RASAL2: variants seen among roughly 807,000 people sequenced by gnomAD.
The protein encoded by RASAL2 is ras GTPase-activating protein nGAP.
Under a neutral mutation model 128.9 loss-of-function variants are expected in RASAL2, and 58 were observed. That is an observed-to-expected ratio of 0.45 (90% CI 0.36 to 0.56). The LOEUF is 0.56. Among genes scored for constraint, RASAL2 ranks in the 20% least tolerant of loss-of-function variants. The pLI is 0.00. For synonymous variants in RASAL2, 561 were observed against 580.8 expected (o/e 0.97, Z 0.49); for missense variants, 1,360 against 1,601.6 (o/e 0.85, Z 2.57).
intron 3 of RASAL2, among the ~76,000 whole-genome samples, chr1:178,370,999 A>G (rs560353323): frequency 2.0e-4 from 30 of 152,036 alleles, no homozygotes; most frequent in African/African-American, 6.3e-4. Flanking sequence ...AATACAGGGG[A>G]AAAAAAGCTC....
At chr1:178,447,845 G>A (rs1232962871) in intron 9 of RASAL2, among the ~76,000 whole-genome samples, 3 of 152,132 alleles carry the variant, frequency 2.0e-5, no homozygotes, top group African/African-American at 4.8e-5. Flanking sequence ...AGGAGGGAAC[G>A]AATATTACAG....
intron 1 of RASAL2, among the ~76,000 whole-genome samples, chr1:178,176,548 C>T (rs966756767): frequency 2.6e-5 from 4 of 151,782 alleles, no homozygotes; most frequent in African/African-American, 9.7e-5. Flanking sequence ...CTTCTTAATA[C>T]TTGCTTTGGA....
intron 1 of RASAL2, among the ~76,000 whole-genome samples, chr1:178,270,764 C>G (rs1394637949): frequency 6.6e-6 from 1 of 151,992 alleles, no homozygotes; most frequent in Non-Finnish European, 1.5e-5. Flanking sequence ...ATGGACCTTG[C>G]CCATTTTAAG....
intron 1 of RASAL2, among the ~76,000 whole-genome samples, chr1:178,158,770 A>G (rs1227431446): frequency 6.6e-6 from 1 of 152,182 alleles, no homozygotes; most frequent in Non-Finnish European, 1.5e-5. Context: ...CTTTGTTGAA[A>G]TATGTAAATG....
At chr1:178,245,240 T>A (rs2102065124) in intron 1 of RASAL2, among the ~76,000 whole-genome samples, 2 of 152,334 alleles carry the variant, frequency 1.3e-5, no homozygotes, top group Middle Eastern at 6.8e-3. Context: ...CAGCATCTGT[T>A]GTTTCCAGAC....
At chr1:178,293,961 T>C (rs1163924078) in intron 2 of RASAL2, among the ~76,000 whole-genome samples, 2 of 152,066 alleles carry the variant, frequency 1.3e-5, no homozygotes, top group African/African-American at 4.8e-5. Flanking sequence ...AGATGTAGAA[T>C]AGAAAAGAAA....
At chr1:178,413,043 G>A (rs182254933) in intron 4 of RASAL2, among the ~76,000 whole-genome samples, 22 of 138,510 alleles carry the variant, frequency 1.6e-4, no homozygotes, top group East Asian at 4.1e-4. Flanking sequence ...CCTTCCTTCC[G>A]TCTGTCCATC....
intron 3 of RASAL2, among the ~76,000 whole-genome samples, chr1:178,359,670 A>G (rs967938469): frequency 2.6e-5 from 4 of 152,184 alleles, no homozygotes; most frequent in South Asian, 2.1e-4. Flanking sequence ...TGAAGATGCA[A>G]TTAGGGAAAG....
At chr1:178,378,219 G>C (rs766893433) in intron 3 of RASAL2, among the ~76,000 whole-genome samples, 37 of 151,678 alleles carry the variant, frequency 2.4e-4, no homozygotes, top group Admixed American at 2.4e-3. Context: ...GAAAAAGAAA[G>C]CTGGTGTAGC....
At chr1:178,122,396 T>C (rs888468806) in intron 1 of RASAL2, among the ~76,000 whole-genome samples, 5 of 152,234 alleles carry the variant, frequency 3.3e-5, no homozygotes, top group Non-Finnish European at 5.9e-5. Flanking sequence ...TGCTGCCTGC[T>C]TTGACTGTGT....
intron 1 of RASAL2, among the ~76,000 whole-genome samples, chr1:178,127,909 C>T (rs1659959474): frequency 6.6e-6 from 1 of 151,946 alleles, no homozygotes. Flanking sequence ...AAGAGCATTG[C>T]CTCTAAATAT....
intron 1 of RASAL2, among the ~76,000 whole-genome samples, chr1:178,208,790 C>A (rs548947929): frequency 2.0e-5 from 3 of 152,222 alleles, no homozygotes; most frequent in Admixed American, 1.3e-4. Context: ...AAAAAACTTG[C>A]TGGTTTGAGG....
intron 1 of RASAL2, among the ~76,000 whole-genome samples, chr1:178,212,170 T>C (rs1028546568): frequency 6.6e-6 from 1 of 152,168 alleles, no homozygotes; most frequent in African/African-American, 2.4e-5. Flanking sequence ...AAAGTGACCC[T>C]GAAAAATTGT....
chr1:178,411,584 T>A, intron 4 of RASAL2: 1 of 706,018 alleles, frequency 1.4e-6, no homozygotes, highest in Non-Finnish European at 2.6e-6. Context: ...AATGAGTGGA[T>A]GGAGAGACGA....
At chr1:178,153,461 G>T (rs1296010136) in intron 1 of RASAL2, among the ~76,000 whole-genome samples, 3 of 152,142 alleles carry the variant, frequency 2.0e-5, no homozygotes, top group African/African-American at 7.2e-5. Flanking sequence ...CCTATTTATA[G>T]TAAGTCCTTA....
intron 9 of RASAL2, among the ~76,000 whole-genome samples, chr1:178,451,271 T>C (rs1677357867): frequency 6.6e-6 from 1 of 152,194 alleles, no homozygotes; most frequent in African/African-American, 2.4e-5. Flanking sequence ...ATTAAACATA[T>C]ATTTAGTTTA....
At position 178,337,793 on chromosome 1, in the gene RASAL2, G is replaced by A. The variant is rs57415540; in HGVS notation, c.457+37675G>A. 4.3e-3 allele frequency among the ~76,000 whole-genome samples: 643 copies of A among 150,120 alleles called. 3 individuals carry two copies. The highest frequency in any genetic ancestry group is 0.014 in the African/African-American group (552 of 40,824). On this transcript the variant is annotated intron_variant, in intron 3 of 17. Transcript: ENST00000367649. ...ATTGCCCAGGCTGGAGTGCAGTGGC[G>A]CAATCTCAGCTCACTGCAATCTCCT...
intron 4 of RASAL2, among the ~76,000 whole-genome samples, chr1:178,400,926 T>C (rs562447257): frequency 3.9e-5 from 6 of 152,282 alleles, no homozygotes; most frequent in African/African-American, 1.2e-4. Flanking sequence ...AATTTTTCTA[T>C]TTTTAGTAGA....
chr1:178,129,245 A>T (rs1172946407), intron 1 of RASAL2, among the ~76,000 whole-genome samples: 2 of 151,818 alleles, frequency 1.3e-5, no homozygotes, highest in Non-Finnish European at 2.9e-5. Context: ...CCTCCCCAAC[A>T]CTTATTTTTC....
Sources: allele counts gnomAD v4.1 joint callset (sites outside exome capture counted in the v4.1 genomes callset), GRCh38; gene constraint gnomAD v4.1.1; transcripts MANE v1.5; gene names NCBI Gene and HGNC (gene_info 2026-07-23, HGNC 2026-07-21).